Variants in DPP6 observed in about 807,000 individuals in gnomAD.
DPP6 encodes the protein dipeptidyl peptidase like 6, also known as A-type potassium channel modulatory protein DPP6.
A neutral mutation model predicts 122.6 loss-of-function variants in DPP6; 69 were observed. The observed-to-expected ratio is 0.56, with a 90% CI of 0.46 to 0.69. The LOEUF is 0.69. DPP6 is among the 30% of genes least tolerant of loss of function. The pLI, the probability that DPP6 is intolerant of heterozygous loss-of-function variation, is 0.00. For synonymous variants in DPP6, 418 were observed against 433.1 expected, an observed-to-expected ratio of 0.97 and a Z score of 0.43; for missense variants, 928 against 1,116.9, an observed-to-expected ratio of 0.83 and a Z score of 2.41.
chr7:154,173,134 G>C (rs1797619860), intron 1 of DPP6, among the ~76,000 whole-genome samples: 1 of 152,156 alleles, frequency 6.6e-6, no homozygotes, highest in African/African-American at 2.4e-5. Flanking sequence ...TTGGCAAATA[G>C]CAGTTGTTTC....
At chr7:154,130,963 G>T (rs1211265248) in intron 1 of DPP6, among the ~76,000 whole-genome samples, 1 of 152,158 alleles carries the variant, frequency 6.6e-6, no homozygotes, top group South Asian at 2.1e-4. Context: ...TGCAGGTGTA[G>T]TGAGAGTCAA....
intron 1 of DPP6, among the ~76,000 whole-genome samples, chr7:153,899,704 T>C (rs1799560451): frequency 6.6e-6 from 1 of 152,216 alleles, no homozygotes; most frequent in African/African-American, 2.4e-5. Context: ...GTGCTCAAAG[T>C]GTTCAAGCAT....
chr7:153,887,618 C>T, exon 1 of DPP6: 2 of 1,590,136 alleles, frequency 1.3e-6, no homozygotes, highest in African/African-American at 1.3e-5. Flanking sequence ...TACTTTAATC[C>T]TCACCAGGAC....
At chr7:154,085,007 A>AAAAC (rs1554457760) in intron 1 of DPP6, among the ~76,000 whole-genome samples, 97 of 149,110 alleles carry the variant, frequency 6.5e-4, no homozygotes, top group African/African-American at 1.3e-3. Flanking sequence ...AAAAAAAAAA[A>AAAAC]AAAACAGGTG....
In DPP6 at chr7:154,138,112, C is replaced by T. The variant is rs186231446; in HGVS notation, c.243+85049C>T. ...CTGAATCATACCTCTTCTTTGCAAA[C>T]GAGGTGTTTTTGTGAACAGAAAATA... On this transcript the variant is annotated intron_variant, in intron 1 of 25. Coordinates refer to ENST00000377770, the MANE Select transcript of DPP6 (RefSeq NM_130797.4). Among the ~76,000 whole-genome samples, 12 of 152,296 alleles carry T rather than the reference C, an allele frequency of 7.9e-5. No homozygotes were observed. In the East Asian group the frequency reaches 1.2e-3, roughly 15 times the overall value.
At chr7:153,851,105 T>A in the DPP6 span, among the ~76,000 whole-genome samples, 1 of 152,232 alleles carries the variant, frequency 6.6e-6, no homozygotes, top group Non-Finnish European at 1.5e-5. Flanking sequence ...CTGATCAGAT[T>A]ATATATTCTT....
chr7:154,890,895 C>T (rs1046852689), intron 25 of DPP6: 1 of 152,140 alleles, frequency 6.6e-6, no homozygotes, highest in Non-Finnish European at 1.5e-5. Flanking sequence ...CAAAAACATA[C>T]AAAGAAGGCA....
the DPP6 span, among the ~76,000 whole-genome samples, chr7:153,803,514 G>C: frequency 2.0e-5 from 3 of 151,918 alleles, no homozygotes; most frequent in Non-Finnish European, 4.4e-5. Context: ...CTTGGACTCG[G>C]ATTCACGCCA....
chr7:153,864,790 T>C, the DPP6 span, among the ~76,000 whole-genome samples: 1 of 151,814 alleles, frequency 6.6e-6, no homozygotes, highest in Non-Finnish European at 1.5e-5. Context: ...CACAGATACA[T>C]GATGAAGCTT....
intron 10 of DPP6, among the ~76,000 whole-genome samples, chr7:154,779,303 A>T (rs879831543): frequency 1.8e-3 from 229 of 129,398 alleles, no homozygotes; most frequent in African/African-American, 6.2e-3. Flanking sequence ...TACTATCACC[A>T]CCACCCCCAC....
chr7:154,878,926 A>G (rs1805110142), intron 20 of DPP6, among the ~76,000 whole-genome samples: 1 of 152,218 alleles, frequency 6.6e-6, no homozygotes, highest in African/African-American at 2.4e-5. Flanking sequence ...TCACGTAGCT[A>G]GTGGAGGAAG....
intron 16 of DPP6, among the ~76,000 whole-genome samples, chr7:154,828,019 A>G (rs374355816): frequency 6.6e-6 from 1 of 152,170 alleles, no homozygotes; most frequent in African/African-American, 2.4e-5. Flanking sequence ...GAGTGGAGTG[A>G]GTCCCTGTCT....
intron 1 of DPP6, among the ~76,000 whole-genome samples, chr7:154,177,211 G>T (rs947371807): frequency 3.3e-5 from 5 of 152,164 alleles, no homozygotes; most frequent in Admixed American, 6.5e-5. Context: ...ATATAGGCAG[G>T]TGCTGGCTAC....
chr7:153,982,519 T>C (rs962476445), intron 1 of DPP6, among the ~76,000 whole-genome samples: 3 of 152,070 alleles, frequency 2.0e-5, no homozygotes. Context: ...GATTTTGTTA[T>C]TATCCACCTT....
chr7:153,806,503 G>A, the DPP6 span, among the ~76,000 whole-genome samples: 2 of 151,352 alleles, frequency 1.3e-5, no homozygotes, highest in South Asian at 2.1e-4. Context: ...TCAATTTCCA[G>A]CTTCAGTCTA....
At chr7:153,935,998 T>C (rs987651305) in intron 1 of DPP6, among the ~76,000 whole-genome samples, 1 of 152,212 alleles carries the variant, frequency 6.6e-6, no homozygotes, top group Admixed American at 6.5e-5. Flanking sequence ...TGTTATTTAA[T>C]TTTCTTTTAT....
chr7:154,161,010 G>C (rs1351423133), intron 1 of DPP6, among the ~76,000 whole-genome samples: 1 of 152,138 alleles, frequency 6.6e-6, no homozygotes, highest in Non-Finnish European at 1.5e-5. Context: ...GCAGTGGCAG[G>C]TCTACTCAGG....
chr7:154,437,887 A>G (rs1819001939), intron 1 of DPP6, among the ~76,000 whole-genome samples: 1 of 152,194 alleles, frequency 6.6e-6, no homozygotes, highest in South Asian at 2.1e-4. Context: ...TAGTGAGCCA[A>G]GATCACGCCA....
intron 5 of DPP6, among the ~76,000 whole-genome samples, chr7:154,608,853 C>T (rs1426465864): frequency 6.6e-6 from 1 of 152,160 alleles, no homozygotes; most frequent in Non-Finnish European, 1.5e-5. Flanking sequence ...CTTTAGGAGT[C>T]ATCTCCGTGA....
Sources: gnomAD v4.1 joint callset for allele counts (sites outside exome capture counted in the v4.1 genomes callset) on GRCh38, gnomAD v4.1.1 for gene constraint, MANE v1.5 for transcripts, NCBI Gene and HGNC (gene_info 2026-07-23, HGNC 2026-07-21) for gene names.